FAM117A: variants seen among roughly 807,000 people sequenced by gnomAD.
FAM117A encodes family with sequence similarity 117 member A, also known as protein FAM117A.
A neutral mutation model predicts 44.1 loss-of-function variants in FAM117A; 21 were observed. That is an observed-to-expected ratio of 0.48 (90% CI 0.34 to 0.69). FAM117A has a LOEUF of 0.69. Among genes scored for constraint, FAM117A ranks in the 30% least tolerant of loss-of-function variants. The pLI, the probability that FAM117A is intolerant of heterozygous loss-of-function variation, is 0.01. For synonymous variants in FAM117A, 220 were observed against 238.3 expected (o/e 0.92, Z 0.71); for missense variants, 498 against 589.9 (o/e 0.84, Z 1.61).
At chr17:49,771,460 G>A (rs2073760781) in intron 1 of FAM117A, among the ~76,000 whole-genome samples, 1 of 140,008 alleles carries the variant, frequency 7.1e-6, no homozygotes, top group African/African-American at 2.7e-5. Flanking sequence ...TTTGGACTAT[G>A]GAATATCCAG....
chr17:49,760,218 G>C (rs181095098), intron 1 of FAM117A, among the ~76,000 whole-genome samples: 6 of 152,260 alleles, frequency 3.9e-5, no homozygotes, highest in African/African-American at 1.4e-4. Flanking sequence ...CCTTAAAATA[G>C]AGTGGGACTA....
chr17:49,742,430 G>A (rs1279779586), intron 1 of FAM117A, among the ~76,000 whole-genome samples: 1 of 152,234 alleles, frequency 6.6e-6, no homozygotes, highest in Non-Finnish European at 1.5e-5. Flanking sequence ...AAAAAGAGTA[G>A]ACAGCAGTTA....
At chr17:49,742,147 G>A (rs575589670) in intron 1 of FAM117A, among the ~76,000 whole-genome samples, 78 of 152,240 alleles carry the variant, frequency 5.1e-4, no homozygotes, top group African/African-American at 1.8e-3. Flanking sequence ...AAGGAGCGAC[G>A]ATATTTGTAC....
At chr17:49,771,353 C>A (rs1023573151) in intron 1 of FAM117A, among the ~76,000 whole-genome samples, 8 of 152,060 alleles carry the variant, frequency 5.3e-5, no homozygotes, top group African/African-American at 1.9e-4. Context: ...GTGTGGGAGA[C>A]CCTGCTAATC....
At chr17:49,755,628 G>A (rs191661769) in intron 1 of FAM117A, among the ~76,000 whole-genome samples, 1 of 152,320 alleles carries the variant, frequency 6.6e-6, no homozygotes, top group Non-Finnish European at 1.5e-5. Flanking sequence ...GACATCTATG[G>A]AAATGCCACG....
In FAM117A at chr17:49,764,067, G is replaced by A; in HGVS notation, c.21C>T (p.Gly7=). The A allele has an allele frequency of 1.7e-6, 2 of 1,176,190 alleles. No homozygotes were observed. Among genetic ancestry groups the A allele is most frequent in the Non-Finnish European group, 1.1e-6 (1 of 943,264 alleles). 72.9% of individuals were successfully genotyped at this position (1,176,190 alleles called of 1,614,324 possible). A position where few individuals can be genotyped will look rare whatever the true frequency, so the allele number is the denominator to read the frequency against. MAGAAA[G]GRGGGAWGPG... is the part of the protein sequence containing the mutation. ...GCCCCCAGGCACCTCCGCCTCTGCC[G>A]CCCGCTGCGGCCCCCGCCATGGCTC... is the stretch of plus-strand genomic sequence containing the variant. Residue 7 remains glycine (G), a synonymous_variant, in exon 1 of 8, where the codon GGC becomes GGT. Transcript: ENST00000240364.
chr17:49,763,268 GGCATTT>G (rs2073729842), intron 1 of FAM117A, among the ~76,000 whole-genome samples: 1 of 152,070 alleles, frequency 6.6e-6, no homozygotes, highest in Non-Finnish European at 1.5e-5. Flanking sequence ...CAGGGAGCTG[GGCATTT>G]GCACCACGGT....
intron 1 of FAM117A, among the ~76,000 whole-genome samples, chr17:49,751,494 C>T (rs1223804762): frequency 2.6e-4 from 39 of 150,998 alleles, no homozygotes; most frequent in Admixed American, 2.4e-3. Flanking sequence ...GCAGGAGAAT[C>T]GCTTGAACCA....
chr17:49,783,836 A>G (rs1189495481), intron 1 of FAM117A, among the ~76,000 whole-genome samples: 1 of 152,106 alleles, frequency 6.6e-6, no homozygotes, highest in Admixed American at 6.5e-5. Context: ...TGCTTCCCCC[A>G]CCTTACAAGA....
At chr17:49,783,094 T>C (rs991425813) in intron 1 of FAM117A, among the ~76,000 whole-genome samples, 1 of 152,236 alleles carries the variant, frequency 6.6e-6, no homozygotes, top group African/African-American at 2.4e-5. Context: ...CCTGGTCTTC[T>C]TGGTAAGTGA....
At chr17:49,733,295 G>A (rs761008450) in intron 1 of FAM117A, among the ~76,000 whole-genome samples, 4 of 152,176 alleles carry the variant, frequency 2.6e-5, no homozygotes, top group Non-Finnish European at 4.4e-5. Flanking sequence ...GAGGATTGAG[G>A]AATCTAGTTT....
intron 1 of FAM117A, 97 bp downstream of exon 1, chr17:49,763,795 C>T: frequency 2.1e-6 from 1 of 486,138 alleles, no homozygotes; most frequent in East Asian, 7.0e-5. Context: ...CCCCCATCCA[C>T]TTTCCCCTCA....
chr17:49,744,247 C>G (rs1171635732), intron 1 of FAM117A, among the ~76,000 whole-genome samples: 4 of 152,054 alleles, frequency 2.6e-5, no homozygotes, highest in Non-Finnish European at 5.9e-5. Context: ...TTCATATGAC[C>G]TATGCACATC....
chr17:49,786,809 G>A (rs928137812), intron 1 of FAM117A, among the ~76,000 whole-genome samples: 3 of 151,200 alleles, frequency 2.0e-5, no homozygotes, highest in Non-Finnish European at 4.4e-5. Flanking sequence ...AGGCTGGTAT[G>A]GCTGGGAGTG....
At chr17:49,774,363 C>CTT (rs71146936) in intron 1 of FAM117A, among the ~76,000 whole-genome samples, 1,520 of 144,128 alleles carry the variant, frequency 0.011, 27 homozygotes, top group African/African-American at 0.032. Flanking sequence ...CCAGGCTGGT[C>CTT]TTTTTTTTTT....
At chr17:49,782,910 G>A (rs1434280282) in intron 1 of FAM117A, among the ~76,000 whole-genome samples, 1 of 152,110 alleles carries the variant, frequency 6.6e-6, no homozygotes, top group Admixed American at 6.6e-5. Flanking sequence ...TCAGCTTCTG[G>A]CCAATGCCTA....
At position 49,763,906 on chromosome 17, in the gene FAM117A, C is replaced by T. The variant is rs1476325874; in HGVS notation, c.182G>A (p.Gly61Glu). The T allele has an allele frequency of 2.4e-6, 3 of 1,236,686 alleles. No homozygotes were observed. The highest frequency in any genetic ancestry group is 3.2e-5 in the East Asian group (1 of 31,672). The allele number at this position is 1,236,686 out of a possible 1,614,324, so 76.6% of individuals were successfully genotyped here. ...GCCCGGCTCACCTGCACGGCCACCC[C>T]CGTCCCGGCGCTGGTGCGGCTGCTG... ...QLQQPHQRRD[G>E]GGRAASVPCS... Residue 61 changes from glycine to glutamate, a missense_variant, in exon 1 of 8, where the codon GGG (glycine) becomes GAG (glutamate). By Grantham distance (98) the Gly-to-Glu change is moderately conservative (BLOSUM62 -2). Around this residue, in one of 3 missense-constraint regions of FAM117A, gnomAD observed 270 missense variants for 277.4 expected, o/e 0.97. Transcript: ENST00000240364.
upstream of FAM117A, among the ~76,000 whole-genome samples, chr17:49,765,320 C>A (rs565401511): frequency 6.6e-6 from 1 of 152,242 alleles, no homozygotes; most frequent in South Asian, 2.1e-4. Context: ...GCTGTGAATT[C>A]TATTTTTGAT....
At chr17:49,730,898 G>A (rs1341380541) in intron 2 of FAM117A, among the ~76,000 whole-genome samples, 1 of 152,170 alleles carries the variant, frequency 6.6e-6, no homozygotes, top group Non-Finnish European at 1.5e-5. Context: ...GTATTCCCAT[G>A]AGAATTCCCC....
Sources: gnomAD v4.1 joint callset for allele counts (sites outside exome capture counted in the v4.1 genomes callset) on GRCh38, gnomAD v4.1.1 for gene constraint, gnomAD v4.1.1 regional missense constraint, MANE v1.5 for transcripts, NCBI Gene and HGNC (gene_info 2026-07-23, HGNC 2026-07-21) for gene names.